Variants in NIBAN1 observed in about 807,000 individuals in gnomAD.
The protein encoded by NIBAN1 is protein Niban 1.
In NIBAN1, 81 loss-of-function variants were observed where a neutral mutation model predicts 75.1. The observed-to-expected ratio is 1.08, with a 90% CI of 0.90 to 1.30. NIBAN1 has a LOEUF of 1.30. Among genes scored for constraint, NIBAN1 ranks in the 50% most tolerant of loss-of-function variants. The pLI, the probability that NIBAN1 is intolerant of heterozygous loss-of-function variation, is 0.00. For synonymous variants in NIBAN1, 436 were observed against 424.8 expected (o/e 1.03, Z -0.32); for missense variants, 1,133 against 1,128.1 (o/e 1.00, Z -0.06).
intron 6 of NIBAN1, among the ~76,000 whole-genome samples, chr1:184,827,327 G>A (rs891180097): frequency 6.6e-6 from 1 of 151,806 alleles, no homozygotes; most frequent in African/African-American, 2.4e-5. Context: ...CTCATCCTCC[G>A]ACTTTCAGCC....
chr1:184,802,327 G>A (rs1281510220), intron 12 of NIBAN1, among the ~76,000 whole-genome samples: 2 of 152,188 alleles, frequency 1.3e-5, no homozygotes, highest in East Asian at 3.9e-4. Context: ...CCGATGAGAA[G>A]GAGAACTCTC....
chr1:184,881,791 G>A (rs1656386110), intron 5 of NIBAN1, among the ~76,000 whole-genome samples: 1 of 152,182 alleles, frequency 6.6e-6, no homozygotes, highest in Non-Finnish European at 1.5e-5. Flanking sequence ...GAGTGTAGCA[G>A]TGAGGATGAC....
intron 9 of NIBAN1, among the ~76,000 whole-genome samples, chr1:184,811,513 G>GTTTTTTTGTTTT (rs1553215647): frequency 7.2e-6 from 1 of 139,046 alleles, no homozygotes; most frequent in African/African-American, 2.7e-5. Context: ...TTTTTTTTTT[G>GTTTTTTTGTTTT]TTTTTTTTTT....
Position 184,953,908 on chromosome 1 carries a change from A to G in NIBAN1, c.55+20394T>C, listed in dbSNP as rs78774525. 3.5e-4 allele frequency among the ~76,000 whole-genome samples: 54 copies of G among 152,372 alleles called. No homozygotes were observed. The East Asian group carries it at 9.4e-3, about 27-fold the overall frequency. On this transcript the variant is annotated intron_variant, in intron 1 of 13. Transcript: ENST00000367511. ...AGTTCAGAGAAAATGAGACAACCTCAGAGTCTAGTGACGGTGTTTTCCAAA... is the reference window on the plus strand; with the variant it reads ...AGTTCAGAGAAAATGAGACAACCTCGGAGTCTAGTGACGGTGTTTTCCAAA...
chr1:184,965,886 A>G (rs1170727866), intron 1 of NIBAN1, among the ~76,000 whole-genome samples: 1 of 152,222 alleles, frequency 6.6e-6, no homozygotes, highest in Non-Finnish European at 1.5e-5. Context: ...AATACAGGAG[A>G]AATGTGTGGA....
At chr1:184,825,456 AT>A (rs5779228) in intron 6 of NIBAN1, among the ~76,000 whole-genome samples, 8,410 of 152,284 alleles carry the variant, frequency 0.055, 274 homozygotes, top group Middle Eastern at 0.088. Context: ...AATAACCAAT[AT>A]TTTGGAACAA....
At chr1:184,906,758 C>T (rs1218150419) in intron 1 of NIBAN1, among the ~76,000 whole-genome samples, 1 of 152,176 alleles carries the variant, frequency 6.6e-6, no homozygotes. Flanking sequence ...CCTTTCTTGG[C>T]TTATCTGTTT....
Position 184,930,371 on chromosome 1 carries a change from A to C in NIBAN1, c.56-31062T>G, listed in dbSNP as rs562951521. Among the ~76,000 whole-genome samples, 81 of 152,316 alleles carry C rather than the reference A, an allele frequency of 5.3e-4. 2 individuals carry two copies. In the South Asian group the frequency reaches 0.016, roughly 31 times the overall value. On this transcript the variant is annotated intron_variant, in intron 1 of 13. Transcript: ENST00000367511. ...ACAACATAGAGAGATGTATCTATCA[A>C]CCCTCATCTGGAAGAGGAGGAGACT...
chr1:184,830,003 G>A (rs1654953017), intron 6 of NIBAN1, among the ~76,000 whole-genome samples: 1 of 152,154 alleles, frequency 6.6e-6, no homozygotes, highest in South Asian at 2.1e-4. Context: ...GCTCCACAGG[G>A]CCAGGACCAT....
At chr1:184,939,222 G>A (rs1022443894) in intron 1 of NIBAN1, among the ~76,000 whole-genome samples, 4 of 152,174 alleles carry the variant, frequency 2.6e-5, no homozygotes, top group Non-Finnish European at 5.9e-5. Context: ...AGAATGCACT[G>A]GGCACCACAT....
At chr1:184,929,542 T>TA (rs143372389) in intron 1 of NIBAN1, among the ~76,000 whole-genome samples, 3 of 152,146 alleles carry the variant, frequency 2.0e-5, no homozygotes, top group African/African-American at 7.2e-5. Context: ...ACTTTTTTTT[T>TA]ATAAATAGCA....
chr1:184,811,275 G>C (rs1469627939), intron 9 of NIBAN1, among the ~76,000 whole-genome samples: 1 of 151,966 alleles, frequency 6.6e-6, no homozygotes, highest in Non-Finnish European at 1.5e-5. Flanking sequence ...CATTTTTCTT[G>C]TGTGCTTAGG....
At chr1:184,963,980 T>C (rs1407677745) in intron 1 of NIBAN1, among the ~76,000 whole-genome samples, 1 of 152,062 alleles carries the variant, frequency 6.6e-6, no homozygotes, top group African/African-American at 2.4e-5. Flanking sequence ...TTATTAAGAT[T>C]TATCATAGAG....
intron 5 of NIBAN1, among the ~76,000 whole-genome samples, chr1:184,873,319 G>A (rs555206): frequency 0.38 from 58,143 of 152,070 alleles, 11,720 homozygotes; most frequent in South Asian, 0.5. Flanking sequence ...TATGAGCAAA[G>A]AAAGCAGTGA....
At position 184,941,929 on chromosome 1, in the gene NIBAN1, TA is replaced by T. The variant is rs537984844; in HGVS notation, c.55+32372del. On this transcript the variant is annotated intron_variant, in intron 1 of 13. Transcript: ENST00000367511. ...CAGACAGAGGAGACCATATTTGCCCTAATTTGTAACAAATTTTTCGGCCACT... is the reference window on the plus strand; with the variant it reads ...CAGACAGAGGAGACCATATTTGCCCTATTTGTAACAAATTTTTCGGCCACT... Among the ~76,000 whole-genome samples, 6 of 152,314 alleles carry T rather than the reference TA, an allele frequency of 3.9e-5. No individual in the cohort carries two copies. In the East Asian group the frequency reaches 1.2e-3, roughly 29 times the overall value.
At position 184,856,076 on chromosome 1, in the gene NIBAN1, A is replaced by G. The variant is rs576005692; in HGVS notation, c.602-24114T>C. ...TCAGTATCAAAGATTGGGGATACTG[A>G]TTACTTCTGACTTATTCCCATATTT... is the stretch of plus-strand genomic sequence containing the variant. On this transcript the variant is annotated intron_variant, in intron 5 of 13. Coordinates refer to ENST00000367511, the MANE Select transcript of NIBAN1 (RefSeq NM_052966.4). Among the ~76,000 whole-genome samples, 27 of 152,324 alleles carry G rather than the reference A, an allele frequency of 1.8e-4. No homozygotes were observed. In the South Asian group the frequency reaches 5.2e-3, roughly 29 times the overall value.
chr1:184,921,639 A>G (rs538345930), intron 1 of NIBAN1, among the ~76,000 whole-genome samples: 3 of 152,352 alleles, frequency 2.0e-5, no homozygotes, highest in African/African-American at 7.2e-5. Context: ...TATTTGCCCA[A>G]CTAAAACTAG....
intron 1 of NIBAN1, among the ~76,000 whole-genome samples, chr1:184,942,835 C>T (rs1013477840): frequency 1.3e-5 from 2 of 152,052 alleles, no homozygotes; most frequent in African/African-American, 4.8e-5. Flanking sequence ...GCACTGACAA[C>T]GCAGCCAGCC....
intron 5 of NIBAN1, among the ~76,000 whole-genome samples, chr1:184,877,034 G>A (rs1307995977): frequency 6.6e-6 from 1 of 152,076 alleles, no homozygotes; most frequent in Non-Finnish European, 1.5e-5. Context: ...CTTTAAACCA[G>A]CAACAAACAG....
Sources: gnomAD v4.1 joint callset for allele counts (sites outside exome capture counted in the v4.1 genomes callset) on GRCh38, gnomAD v4.1.1 for gene constraint, MANE v1.5 for transcripts, NCBI Gene and HGNC (gene_info 2026-07-23, HGNC 2026-07-21) for gene names.